Variants in KIAA1958 observed in about 807,000 individuals in gnomAD.
KIAA1958 encodes the protein KIAA1958.
In KIAA1958, 14 loss-of-function variants were observed where a neutral mutation model predicts 47.2. That is an observed-to-expected ratio of 0.30 (90% CI 0.20 to 0.46). The LOEUF (loss-of-function observed/expected upper bound fraction) is 0.46, where lower values mean the gene tolerates loss of function less well. KIAA1958 is among the 20% of genes least tolerant of loss of function. The probability of loss-of-function intolerance (pLI) is 1.00; values close to 1 mark genes in which losing one functional copy is unlikely to be tolerated. For missense variants in KIAA1958, 803 were observed against 909.2 expected (o/e 0.88, Z 1.50); for synonymous variants, 354 against 353.3 (o/e 1.00, Z -0.02).
rs1361568890 is a variant in KIAA1958, at chr9:112,660,066, G to A, written c.2148G>A (p.Gln716=). Residue 716 remains glutamine (Q), a synonymous_variant, in exon 4 of 4, where the codon CAG becomes CAA. Transcript: ENST00000337530. ...SRRLGSHSCC[Q] ...GGCTTGGCTCCCACAGCTGCTGCCA[G>A]TGAGCCCCCACTGGGGCCCGGCCAC... 3 of 1,612,050 alleles carry A rather than the reference G, an allele frequency of 1.9e-6. No homozygotes were observed. The highest frequency in any genetic ancestry group is 1.3e-5 in the African/African-American group (1 of 74,896).
intron 2 of KIAA1958, among the ~76,000 whole-genome samples, chr9:112,593,158 TAAAAAC>T (rs1227619130): frequency 3.3e-5 from 5 of 152,250 alleles, no homozygotes; most frequent in South Asian, 2.1e-4. Flanking sequence ...AAATTTAAAT[TAAAAAC>T]AAAATCTTTT....
intron 1 of KIAA1958, among the ~76,000 whole-genome samples, chr9:112,543,956 A>G (rs1834987501): frequency 6.6e-6 from 1 of 152,166 alleles, no homozygotes; most frequent in South Asian, 2.1e-4. Context: ...TACATATATG[A>G]AATGTCTGTC....
At chr9:112,657,714 A>G (rs995158160) in intron 3 of KIAA1958, among the ~76,000 whole-genome samples, 5 of 152,218 alleles carry the variant, frequency 3.3e-5, no homozygotes, top group Admixed American at 6.5e-5. Context: ...GCTTGAATAG[A>G]CCATGAGCAA....
chr9:112,537,217 C>T (rs1022415251), intron 1 of KIAA1958, among the ~76,000 whole-genome samples: 2 of 151,950 alleles, frequency 1.3e-5, no homozygotes, highest in African/African-American at 2.4e-5. Flanking sequence ...GTGATTCTCC[C>T]GCCTCAGCCT....
intron 1 of KIAA1958, 26 bp from the exon 2 acceptor site, chr9:112,574,031 T>G: frequency 8.2e-7 from 1 of 1,219,378 alleles, no homozygotes; most frequent in Non-Finnish European, 1.2e-6. Context: ...TAATAATGGC[T>G]TCTTCTTTTG....
chr9:112,519,970 T>C (rs956225314), intron 1 of KIAA1958, among the ~76,000 whole-genome samples: 1 of 152,190 alleles, frequency 6.6e-6, no homozygotes, highest in Admixed American at 6.5e-5. Context: ...GGAAGTGGAC[T>C]AGTATAATAA....
At chr9:112,492,701 A>G (rs979227614) in intron 1 of KIAA1958, among the ~76,000 whole-genome samples, 1 of 152,132 alleles carries the variant, frequency 6.6e-6, no homozygotes, top group Non-Finnish European at 1.5e-5. Flanking sequence ...TTCACTCTTC[A>G]TATTCATTGT....
At chr9:112,648,529 C>A (rs1460360789) in intron 3 of KIAA1958, among the ~76,000 whole-genome samples, 1 of 152,168 alleles carries the variant, frequency 6.6e-6, no homozygotes, top group African/African-American at 2.4e-5. Flanking sequence ...ACTTGGCACT[C>A]ACACAGAATT....
At chr9:112,515,210 TGGG>T (rs1359409824) in intron 1 of KIAA1958, among the ~76,000 whole-genome samples, 1 of 84,268 alleles carries the variant, frequency 1.2e-5, no homozygotes, top group Non-Finnish European at 2.4e-5. Context: ...GGGAGGAAGG[TGGG>T]GGGGTCAGCC....
chr9:112,505,487 T>A (rs1270532136), intron 1 of KIAA1958, among the ~76,000 whole-genome samples: 2 of 152,212 alleles, frequency 1.3e-5, no homozygotes, highest in Admixed American at 1.3e-4. Flanking sequence ...AGAGTATATT[T>A]GAACGCTAGA....
At chr9:112,566,287 C>G (rs1835426225) in intron 1 of KIAA1958, among the ~76,000 whole-genome samples, 1 of 152,040 alleles carries the variant, frequency 6.6e-6, no homozygotes, top group Non-Finnish European at 1.5e-5. Context: ...TCCACCTGGT[C>G]TTTTATTTTC....
intron 1 of KIAA1958, among the ~76,000 whole-genome samples, chr9:112,554,949 G>A (rs1050284120): frequency 2.6e-5 from 4 of 152,080 alleles, no homozygotes; most frequent in African/African-American, 9.7e-5. Flanking sequence ...AAATCTGTGA[G>A]GACTCTGGAA....
intron 1 of KIAA1958, among the ~76,000 whole-genome samples, chr9:112,546,318 T>C (rs1588011840): frequency 6.6e-6 from 1 of 152,146 alleles, no homozygotes; most frequent in East Asian, 1.9e-4. Flanking sequence ...TATGGTCTGA[T>C]GGGGGAGGAA....
intron 1 of KIAA1958, among the ~76,000 whole-genome samples, chr9:112,494,479 A>G (rs1219023828): frequency 6.9e-6 from 1 of 145,726 alleles, no homozygotes; most frequent in Non-Finnish European, 1.5e-5. Context: ...CATGGTATCT[A>G]TCGCTTTTTT....
rs945004279 is a variant in KIAA1958, at chr9:112,667,321, A to T, written c.*7252A>T. The T allele has an allele frequency of 6.6e-6, 1 of 152,288 alleles. No homozygotes were observed. The highest frequency in any genetic ancestry group is 2.4e-5 in the African/African-American group (1 of 41,474). 9.4% of individuals were successfully genotyped at this position (152,288 alleles called of 1,614,324 possible). On this transcript the variant is annotated 3_prime_UTR_variant, in exon 4 of 4. Coordinates refer to ENST00000337530, the MANE Select transcript of KIAA1958 (RefSeq NM_133465.4). ...GCCAGGCGCGGTGGCTCACGCCTAT[A>T]ATCCAAGCACTTTGGGATGCCGAGG... is the stretch of plus-strand genomic sequence containing the variant.
At chr9:112,495,900 G>A (rs1255551072) in intron 1 of KIAA1958, among the ~76,000 whole-genome samples, 2 of 152,242 alleles carry the variant, frequency 1.3e-5, no homozygotes, top group East Asian at 3.9e-4. Context: ...AATGCCCTGA[G>A]ACCACTATAT....
intron 1 of KIAA1958, among the ~76,000 whole-genome samples, chr9:112,506,031 T>A (rs768083625): frequency 6.6e-6 from 1 of 152,210 alleles, no homozygotes; most frequent in Admixed American, 6.5e-5. Flanking sequence ...TGAACTCATA[T>A]AATGGATATA....
chr9:112,591,123 G>C lies in KIAA1958; in HGVS notation c.1171+15872G>C, dbSNP rs185517373. On this transcript the variant is annotated intron_variant, in intron 2 of 3. Coordinates refer to ENST00000337530, the MANE Select transcript of KIAA1958 (RefSeq NM_133465.4). Reference sequence around the variant, plus strand: ...TTTCGAGACAGAGTCTCGCTCTGTCGCCCAGGCTGGAGTGCTGTGGTGCCA... The same window carrying C: ...TTTCGAGACAGAGTCTCGCTCTGTCCCCCAGGCTGGAGTGCTGTGGTGCCA... 2.9e-3 allele frequency among the ~76,000 whole-genome samples: 437 copies of C among 152,122 alleles called. 1 individual carries two copies. Among genetic ancestry groups the C allele is most frequent in the African/African-American group, 0.01 (426 of 41,490 alleles).
At chr9:112,614,477 G>A (rs1836378156) in intron 2 of KIAA1958, among the ~76,000 whole-genome samples, 1 of 152,130 alleles carries the variant, frequency 6.6e-6, no homozygotes, top group Non-Finnish European at 1.5e-5. Context: ...GGTAAATGCA[G>A]ACAGTTGTAA....
Sources: allele counts gnomAD v4.1 joint callset (sites outside exome capture counted in the v4.1 genomes callset), GRCh38; gene constraint gnomAD v4.1.1; transcripts MANE v1.5; gene names NCBI Gene and HGNC (gene_info 2026-07-23, HGNC 2026-07-21).